The following C1orf21 variants were observed in gnomAD, a reference collection of about 807,000 sequenced individuals.
C1orf21 encodes chromosome 1 open reading frame 21.
C1orf21 carries 3 observed loss-of-function variants against 18.7 expected under a neutral mutation model. That is an observed-to-expected ratio of 0.16 (90% CI 0.07 to 0.42). C1orf21 has a LOEUF of 0.42. Ranked by LOEUF, C1orf21 falls within the 10% of genes least tolerant of loss-of-function variation. The pLI is 0.99. For synonymous variants in C1orf21, 41 were observed against 46.4 expected (o/e 0.88, Z 0.47); for missense variants, 104 against 143.6 (o/e 0.72, Z 1.41).
At chr1:184,407,568 G>C (rs972593799) in intron 1 of C1orf21, among the ~76,000 whole-genome samples, 1 of 152,132 alleles carries the variant, frequency 6.6e-6, no homozygotes, top group Non-Finnish European at 1.5e-5. Flanking sequence ...AAACAAATGA[G>C]TGCTCATGAG....
In C1orf21 at chr1:184,443,738, G is replaced by C. The variant is rs1020976149; in HGVS notation, c.-124-33648G>C. On this transcript the variant is annotated intron_variant, in intron 1 of 5. Transcript: ENST00000235307. ...AACTTCCCCCTAACCACAGGGAAGG[G>C]AAGGATAGAGCTACAGAAATGATAG... Among the ~76,000 whole-genome samples, 14 of 152,144 alleles carry C rather than the reference G, an allele frequency of 9.2e-5. 1 individual carries two copies. Among genetic ancestry groups the C allele is most frequent in the African/African-American group, 3.4e-4 (14 of 41,440 alleles).
chr1:184,469,068 C>G (rs562245507), intron 1 of C1orf21, among the ~76,000 whole-genome samples: 2 of 151,398 alleles, frequency 1.3e-5, no homozygotes, highest in Admixed American at 6.6e-5. Context: ...AACCCTGTCT[C>G]TACTAAAAAT....
rs199755153 is a variant in C1orf21 at position 184,564,755 on chromosome 1, T to C, written c.190-25984T>C. Reference sequence around the variant, plus strand: ...TAGAATGAACCAGAGGCTCAGGAATTGCTAGCACTAGGGATCTCTGGAAAC... The same window carrying C: ...TAGAATGAACCAGAGGCTCAGGAATCGCTAGCACTAGGGATCTCTGGAAAC... On this transcript the variant is annotated intron_variant, in intron 3 of 5. Transcript: ENST00000235307. 1.2e-4 allele frequency among the ~76,000 whole-genome samples: 18 copies of C among 152,308 alleles called. No homozygotes were observed. In the East Asian group the frequency reaches 2.1e-3, roughly 18 times the overall value.
rs147919049 is a variant in C1orf21 at position 184,470,682 on chromosome 1, C to T, written c.-124-6704C>T. On this transcript the variant is annotated intron_variant, in intron 1 of 5. Transcript: ENST00000235307. ...TCACTTGAGGTTAGGAGTTCGAGACCAGCCTGGCCAACGTGGCGAAATCCC... is the reference window on the plus strand; with the variant it reads ...TCACTTGAGGTTAGGAGTTCGAGACTAGCCTGGCCAACGTGGCGAAATCCC... 7.8e-3 allele frequency among the ~76,000 whole-genome samples: 1,189 copies of T among 152,238 alleles called. 9 individuals carry two copies. The highest frequency in any genetic ancestry group is 0.017 in the Middle Eastern group (5 of 294).
intron 2 of C1orf21, among the ~76,000 whole-genome samples, chr1:184,491,997 C>T (rs527451794): frequency 2.7e-4 from 41 of 152,286 alleles, no homozygotes; most frequent in African/African-American, 7.5e-4. Context: ...TAATTTGAAA[C>T]GGAGCCATCT....
chr1:184,480,421 G>GC (rs1657636368), intron 2 of C1orf21, among the ~76,000 whole-genome samples: 1 of 152,198 alleles, frequency 6.6e-6, no homozygotes, highest in Admixed American at 6.5e-5. Context: ...GATTGTCAGA[G>GC]CAAGATTTGG....
chr1:184,571,570 G>A (rs762095064), intron 3 of C1orf21, among the ~76,000 whole-genome samples: 10 of 152,156 alleles, frequency 6.6e-5, no homozygotes, highest in Non-Finnish European at 1.0e-4. Context: ...GTTTGCTGGA[G>A]ACACTTCATC....
chr1:184,447,777 T>G (rs1004748040), intron 1 of C1orf21, among the ~76,000 whole-genome samples: 2 of 152,170 alleles, frequency 1.3e-5, no homozygotes, highest in Non-Finnish European at 2.9e-5. Flanking sequence ...CCAATTTCCT[T>G]GCCTCTATCC....
intron 5 of C1orf21, among the ~76,000 whole-genome samples, chr1:184,609,069 AAC>A (rs1431570528): frequency 2.0e-5 from 3 of 152,182 alleles, no homozygotes; most frequent in Non-Finnish European, 1.5e-5. Context: ...TGGTCCCTCA[AAC>A]AGTGTCACCC....
chr1:184,497,363 C>T (rs1027598178), intron 2 of C1orf21, among the ~76,000 whole-genome samples: 3 of 152,176 alleles, frequency 2.0e-5, no homozygotes, highest in African/African-American at 7.2e-5. Flanking sequence ...GTTGGTGATT[C>T]GTATCAACTG....
intron 3 of C1orf21, among the ~76,000 whole-genome samples, chr1:184,536,848 G>GAAAA (rs35408747): frequency 6.9e-6 from 1 of 145,020 alleles, no homozygotes; most frequent in Non-Finnish European, 1.5e-5. Flanking sequence ...TTCTTTTGTG[G>GAAAA]AAAAAAAAAA....
intron 5 of C1orf21, among the ~76,000 whole-genome samples, chr1:184,615,343 CT>C (rs1659805344): frequency 6.6e-6 from 1 of 152,174 alleles, no homozygotes; most frequent in Non-Finnish European, 1.5e-5. Flanking sequence ...ACTCATGGTT[CT>C]TTCAAACAAG....
chr1:184,419,731 C>G (rs1007339327), intron 1 of C1orf21, among the ~76,000 whole-genome samples: 15 of 151,948 alleles, frequency 9.9e-5, no homozygotes, highest in African/African-American at 3.6e-4. Context: ...TTTGAAGGTG[C>G]TTGAGTTAGC....
chr1:184,455,787 C>T (rs1258014050), intron 1 of C1orf21, among the ~76,000 whole-genome samples: 1 of 152,008 alleles, frequency 6.6e-6, no homozygotes, highest in Non-Finnish European at 1.5e-5. Context: ...AACATTCAGA[C>T]TTTGGGATAT....
rs138276703 is a variant in C1orf21 at position 184,628,159 on chromosome 1, C to T, written c.*8603C>T. 10 of 152,332 alleles carry T rather than the reference C, an allele frequency of 6.6e-5. No homozygotes were observed. The highest frequency in any genetic ancestry group is 1.0e-4 in the Non-Finnish European group (7 of 68,040). 9.4% of individuals were successfully genotyped at this position (152,332 alleles called of 1,614,324 possible). ...GTGGGAGCCCGGAAGGGTGGCCTCC[C>T]TAACCACTCTGCCTGCACATGAATT... On this transcript the variant is annotated 3_prime_UTR_variant, in exon 6 of 6. Transcript: ENST00000235307.
At chr1:184,552,774 G>A (rs1658830257) in intron 3 of C1orf21, among the ~76,000 whole-genome samples, 2 of 152,094 alleles carry the variant, frequency 1.3e-5, no homozygotes, top group Admixed American at 6.6e-5. Context: ...AGAAAAAAAT[G>A]ACATAGGAAA....
intron 4 of C1orf21, among the ~76,000 whole-genome samples, chr1:184,593,898 C>A (rs141961799): frequency 6.6e-6 from 1 of 152,134 alleles, no homozygotes; most frequent in African/African-American, 2.4e-5. Context: ...TAGAACATGA[C>A]GCACTCTATA....
At chr1:184,518,031 A>T (rs1330650252) in intron 3 of C1orf21, among the ~76,000 whole-genome samples, 1 of 152,192 alleles carries the variant, frequency 6.6e-6, no homozygotes, top group Admixed American at 6.5e-5. Flanking sequence ...TTGTTGTGGC[A>T]TAGAAGGTAT....
intron 3 of C1orf21, among the ~76,000 whole-genome samples, chr1:184,515,863 G>T (rs558904855): frequency 2.7e-4 from 41 of 152,262 alleles, no homozygotes; most frequent in Non-Finnish European, 5.0e-4. Context: ...CCCCAGGCCG[G>T]AGTGCAATGG....
Sources: gnomAD v4.1 joint callset for allele counts (sites outside exome capture counted in the v4.1 genomes callset) on GRCh38, gnomAD v4.1.1 for gene constraint, MANE v1.5 for transcripts, NCBI Gene and HGNC (gene_info 2026-07-23, HGNC 2026-07-21) for gene names.